TIAM2: variants seen among roughly 807,000 people sequenced by gnomAD.
TIAM2 encodes rho guanine nucleotide exchange factor TIAM2.
A neutral mutation model predicts 152.9 loss-of-function variants in TIAM2; 80 were observed. That is an observed-to-expected ratio of 0.52 (90% CI 0.44 to 0.63). The LOEUF (loss-of-function observed/expected upper bound fraction) is 0.63, where lower values mean the gene tolerates loss of function less well. TIAM2 is among the 30% of genes least tolerant of loss of function. The pLI, the probability that TIAM2 is intolerant of heterozygous loss-of-function variation, is 0.00. For missense variants in TIAM2, 1,965 were observed against 2,120.1 expected (o/e 0.93, Z 1.44); for synonymous variants, 804 against 838.0 (o/e 0.96, Z 0.70).
intron 2 of TIAM2, among the ~76,000 whole-genome samples, chr6:155,101,997 G>A (rs1469419173): frequency 8.8e-5 from 12 of 136,350 alleles, no homozygotes; most frequent in African/African-American, 2.0e-4. Context: ...CAACCGTGCC[G>A]GCCTTTTTTT....
intron 5 of TIAM2, among the ~76,000 whole-genome samples, chr6:155,142,975 T>C (rs954214032): frequency 1.3e-5 from 2 of 152,212 alleles, no homozygotes; most frequent in Non-Finnish European, 2.9e-5. Context: ...AAGACTGAAA[T>C]AGTTTTCAAA....
chr6:155,254,647 A>G, intron 26 of TIAM2, 74 bp downstream of exon 26: 1 of 1,547,360 alleles, frequency 6.5e-7, no homozygotes, highest in South Asian at 1.2e-5. Context: ...TGCTCTTGTA[A>G]CATAGCTGTG....
chr6:155,028,938 T>C (rs2114881760), intron 1 of TIAM2, among the ~76,000 whole-genome samples: 1 of 113,896 alleles, frequency 8.8e-6, no homozygotes, highest in East Asian at 2.2e-4. Flanking sequence ...ATATACTATA[T>C]ATACTATGTT....
rs569146090 is a variant in TIAM2, at chr6:155,095,738, G to A, written c.-118+5359G>A. 2.6e-5 allele frequency among the ~76,000 whole-genome samples: 4 copies of A among 152,250 alleles called. No individual in the cohort carries two copies. The East Asian group carries it at 5.8e-4, about 22-fold the overall frequency. On this transcript the variant is annotated intron_variant, in intron 2 of 26. Coordinates refer to ENST00000682666, the MANE Select transcript of TIAM2 (RefSeq NM_012454.4). ...TTATTCTCTGAATTAAACTTATTAG[G>A]AATCTTCCAGCTTGAACAATTTTAC... is the stretch of plus-strand genomic sequence containing the variant.
chr6:155,149,785 C>T (rs7760238), intron 7 of TIAM2, among the ~76,000 whole-genome samples: 73,783 of 151,620 alleles, frequency 0.49, 18,151 homozygotes, highest in Middle Eastern at 0.56. Flanking sequence ...TATCTGGGCA[C>T]GGTGGTGGGC....
chr6:155,024,746 G>A (rs1164067476), intron 1 of TIAM2, among the ~76,000 whole-genome samples: 1 of 151,572 alleles, frequency 6.6e-6, no homozygotes, highest in Non-Finnish European at 1.5e-5. Context: ...TCATTTTACT[G>A]AGCAAATGTC....
intron 1 of TIAM2, among the ~76,000 whole-genome samples, chr6:155,087,669 A>G (rs906117692): frequency 2.6e-5 from 4 of 152,032 alleles, no homozygotes; most frequent in Non-Finnish European, 5.9e-5. Flanking sequence ...GAATTGCTTG[A>G]ACTCGGGAGG....
intron 1 of TIAM2, among the ~76,000 whole-genome samples, chr6:155,009,828 A>G (rs776145291): frequency 1.3e-5 from 2 of 151,998 alleles, no homozygotes; most frequent in Non-Finnish European, 1.5e-5. Context: ...TCGCACCCAT[A>G]GCTTTCTCTG....
intron 22 of TIAM2, 88 bp from the exon 23 acceptor site, chr6:155,251,855 AGT>A: frequency 4.1e-6 from 4 of 984,020 alleles, no homozygotes; most frequent in Non-Finnish European, 6.2e-6. Context: ...ACGTTTGGAG[AGT>A]GTTACTCTGT....
rs1041124176 is a variant in TIAM2 at position 155,127,590 on chromosome 6, C to T, written c.-17C>T. ...CCACTAACCTCCCTCACAGCAGAAA[C>T]TAGACGTCAGGTAAACCCAACCCTT... On this transcript the variant is annotated 5_prime_UTR_variant, in exon 3 of 27. Transcript: ENST00000682666. 26 of 455,926 alleles carry T rather than the reference C, an allele frequency of 5.7e-5. 1 individual carries two copies. The Admixed American group carries it at 6.1e-4, about 11-fold the overall frequency. The allele number at this position is 455,926 out of a possible 1,614,324, so 28.2% of individuals were successfully genotyped here.
rs1202455648 is a variant in TIAM2, at chr6:155,029,513, C to CTATAGTATATACACTATAG, written c.-209+34025_-209+34026insGTATATACACTATAGTATA. Among the ~76,000 whole-genome samples, 16 of 22,082 alleles carry CTATAGTATATACACTATAG rather than the reference C, an allele frequency of 7.2e-4. 1 individual carries two copies. The highest frequency in any genetic ancestry group is 6.3e-4 in the Non-Finnish European group (8 of 12,674). The allele number at this position is 22,082 out of a possible 152,430, so 14.5% of individuals were successfully genotyped here. A position where few individuals can be genotyped will look rare whatever the true frequency, so the allele number is the denominator to read the frequency against. ...TAGTATATATTATATATAATATATACTATATATTATAGTATAGATAATAAT... is the reference window on the plus strand; with the variant it reads ...TAGTATATATTATATATAATATATACTATAGTATATACACTATAGTATATATTATAGTATAGATAATAAT... On this transcript the variant is annotated intron_variant, in intron 1 of 26. Coordinates refer to ENST00000682666, the MANE Select transcript of TIAM2 (RefSeq NM_012454.4).
At chr6:155,249,768 T>A in intron 20 of TIAM2, 83 bp from the exon 21 acceptor site, 2 of 1,208,334 alleles carry the variant, frequency 1.7e-6, no homozygotes, top group Non-Finnish European at 2.3e-6. Flanking sequence ...CTGAGTTGAA[T>A]CTTGACTCCA....
chr6:155,049,740 T>C (rs1054829036), intron 1 of TIAM2, among the ~76,000 whole-genome samples: 18 of 152,202 alleles, frequency 1.2e-4, no homozygotes, highest in African/African-American at 4.3e-4. Flanking sequence ...GGTAGTTGAC[T>C]TCAGGGCAAG....
chr6:155,074,097 G>A (rs1470490686), intron 1 of TIAM2, among the ~76,000 whole-genome samples: 1 of 152,108 alleles, frequency 6.6e-6, no homozygotes, highest in African/African-American at 2.4e-5. Flanking sequence ...ATGATACCAG[G>A]TCCTACTTCA....
intron 1 of TIAM2, among the ~76,000 whole-genome samples, chr6:155,009,603 C>G (rs12198704): frequency 0.15 from 22,186 of 152,014 alleles, 1,641 homozygotes; most frequent in Middle Eastern, 0.18. Context: ...ACCTCTTGGT[C>G]CAGGCAGTAT....
chr6:155,147,071 T>C (rs975235082), intron 6 of TIAM2, among the ~76,000 whole-genome samples: 2 of 152,100 alleles, frequency 1.3e-5, no homozygotes, highest in African/African-American at 4.8e-5. Context: ...GTATGTGGTC[T>C]TTGTGTTAGA....
At chr6:155,221,661 G>A (rs929131699) in intron 15 of TIAM2, among the ~76,000 whole-genome samples, 3 of 152,162 alleles carry the variant, frequency 2.0e-5, no homozygotes, top group African/African-American at 7.2e-5. Flanking sequence ...AGAGCTGCTT[G>A]AGGTCTCCCC....
At chr6:155,185,427 G>C (rs2115151426) in intron 14 of TIAM2, among the ~76,000 whole-genome samples, 1 of 151,842 alleles carries the variant, frequency 6.6e-6, no homozygotes, top group Non-Finnish European at 1.5e-5. Context: ...GCGCCCGGCT[G>C]TTTTTCTTTT....
intron 7 of TIAM2, among the ~76,000 whole-genome samples, chr6:155,154,053 A>AT (rs1246318839): frequency 6.6e-6 from 1 of 152,218 alleles, no homozygotes; most frequent in African/African-American, 2.4e-5. Flanking sequence ...AGGCAAAGGT[A>AT]TTTACAGATC....
Sources: gnomAD v4.1 joint callset for allele counts (sites outside exome capture counted in the v4.1 genomes callset) on GRCh38, gnomAD v4.1.1 for gene constraint, MANE v1.5 for transcripts, NCBI Gene and HGNC (gene_info 2026-07-23, HGNC 2026-07-21) for gene names.